DOCK3: variants seen among roughly 807,000 people sequenced by gnomAD.
DOCK3 encodes the protein dedicator of cytokinesis protein 3.
A neutral mutation model predicts 265.6 loss-of-function variants in DOCK3; 60 were observed. The ratio of observed to expected loss-of-function variants is 0.23; its 90% confidence interval spans 0.18 to 0.28. DOCK3 has a LOEUF of 0.28. Ranked by LOEUF, DOCK3 falls within the 10% of genes least tolerant of loss-of-function variation. The pLI, the probability that DOCK3 is intolerant of heterozygous loss-of-function variation, is 1.00. For missense variants in DOCK3, 1,981 were observed against 2,594.3 expected, an observed-to-expected ratio of 0.76 and a Z score of 5.14; for synonymous variants, 881 against 938.0, an observed-to-expected ratio of 0.94 and a Z score of 1.11.
At chr3:51,154,769 T>A (rs1404990627) in intron 10 of DOCK3, among the ~76,000 whole-genome samples, 1 of 152,206 alleles carries the variant, frequency 6.6e-6, no homozygotes, top group African/African-American at 2.4e-5. Flanking sequence ...TAGGGTGGCA[T>A]TTGAATGTAA....
At chr3:51,337,483 T>C (rs1444720501) in intron 35 of DOCK3, among the ~76,000 whole-genome samples, 1 of 152,138 alleles carries the variant, frequency 6.6e-6, no homozygotes, top group African/African-American at 2.4e-5. Context: ...CTGCAGCTTT[T>C]CCCCAGAGCT....
In DOCK3 at chr3:50,863,276, G is replaced by C. The variant is rs984638299; in HGVS notation, c.162+21561G>C. ...GTCCTTGGGCATGGTAGTGGCTTAT[G>C]ACAAGTGCCGAACCTGTATGGCATG... On this transcript the variant is annotated intron_variant, in intron 3 of 52. Coordinates refer to ENST00000266037, the MANE Select transcript of DOCK3 (RefSeq NM_004947.5). 8 of 412,720 alleles carry C rather than the reference G, an allele frequency of 1.9e-5. No homozygotes were observed. In the Admixed American group the frequency reaches 2.0e-4, roughly 11 times the overall value. The allele number at this position is 412,720 out of a possible 1,614,324, so 25.6% of individuals were successfully genotyped here.
In DOCK3 at chr3:51,225,533, A is replaced by G. The variant is rs368025633; in HGVS notation, c.1253-116A>G. On this transcript the variant is annotated intron_variant, in intron 14 of 52. Transcript: ENST00000266037. ...GTCCATCATTATTAACCAAGCTTGG[A>G]ATGCCCTGAACACCCACCCAAGCCC... The G allele has an allele frequency of 4.1e-6, 6 of 1,448,258 alleles. No individual in the cohort carries two copies. The South Asian group carries it at 7.4e-5, about 18-fold the overall frequency. The allele number at this position is 1,448,258 out of a possible 1,614,324, so 89.7% of individuals were successfully genotyped here. A position where few individuals can be genotyped will look rare whatever the true frequency, so the allele number is the denominator to read the frequency against.
At chr3:51,183,507 G>T (rs974591333) in intron 12 of DOCK3, among the ~76,000 whole-genome samples, 58 of 151,840 alleles carry the variant, frequency 3.8e-4, no homozygotes, top group Non-Finnish European at 1.0e-4. Flanking sequence ...ATCCCTATAG[G>T]GTCTAAATGG....
At chr3:51,208,341 C>T (rs529181862) in intron 12 of DOCK3, among the ~76,000 whole-genome samples, 1 of 152,302 alleles carries the variant, frequency 6.6e-6, no homozygotes, top group African/African-American at 2.4e-5. Flanking sequence ...CCATTGGGGC[C>T]AGTCATAATG....
intron 38 of DOCK3, among the ~76,000 whole-genome samples, chr3:51,345,219 T>C (rs1215416980): frequency 6.6e-6 from 1 of 152,178 alleles, no homozygotes. Flanking sequence ...AGGACTGATA[T>C]ACGCCCCCTT....
intron 1 of DOCK3, among the ~76,000 whole-genome samples, chr3:50,712,981 A>G (rs2036865657): frequency 6.6e-6 from 1 of 152,112 alleles, no homozygotes; most frequent in South Asian, 2.1e-4. Flanking sequence ...TAAGAAATAT[A>G]TGTAGGTCTC....
intron 22 of DOCK3, among the ~76,000 whole-genome samples, chr3:51,258,554 A>G (rs2079673023): frequency 6.6e-6 from 1 of 151,862 alleles, no homozygotes; most frequent in East Asian, 1.9e-4. Context: ...ACCAGGCTGG[A>G]GTGCGGTGGC....
At chr3:51,235,814 T>C (rs1381200148) in intron 19 of DOCK3, among the ~76,000 whole-genome samples, 5 of 152,218 alleles carry the variant, frequency 3.3e-5, no homozygotes, top group African/African-American at 2.4e-5. Context: ...ACAGCCCTCA[T>C]TGACTGCATT....
At chr3:50,921,094 T>G (rs999014081) in intron 4 of DOCK3, among the ~76,000 whole-genome samples, 1 of 152,250 alleles carries the variant, frequency 6.6e-6, no homozygotes, top group Admixed American at 6.5e-5. Context: ...TCTAGTTTGA[T>G]TGCACTGTGG....
intron 2 of DOCK3, among the ~76,000 whole-genome samples, chr3:50,828,584 T>G (rs1198335163): frequency 2.6e-5 from 4 of 151,888 alleles, no homozygotes; most frequent in South Asian, 2.1e-4. Context: ...TTCATATTTT[T>G]AGTAGAGATG....
At chr3:51,288,925 T>TGTGC in intron 27 of DOCK3, among the ~76,000 whole-genome samples, 1 of 151,466 alleles carries the variant, frequency 6.6e-6, no homozygotes, top group African/African-American at 2.4e-5. Flanking sequence ...TGTGTGTGTG[T>TGTGC]GCCCATGTGT....
chr3:50,959,447 T>C (rs1227455042), intron 5 of DOCK3, among the ~76,000 whole-genome samples: 2 of 151,958 alleles, frequency 1.3e-5, no homozygotes, highest in Non-Finnish European at 2.9e-5. Flanking sequence ...ACACTTATTC[T>C]CCCTGTATAA....
intron 12 of DOCK3, among the ~76,000 whole-genome samples, chr3:51,166,364 T>C (rs2086407971): frequency 6.6e-6 from 1 of 152,214 alleles, no homozygotes; most frequent in African/African-American, 2.4e-5. Context: ...GTATATTCTT[T>C]ATTATTCATC....
Position 50,863,422 on chromosome 3 carries a change from A to G in DOCK3, c.162+21707A>G, listed in dbSNP as rs1012196334. On this transcript the variant is annotated intron_variant, in intron 3 of 52. Coordinates refer to ENST00000266037, the MANE Select transcript of DOCK3 (RefSeq NM_004947.5). ...TAGCATAGCTCTGGGTTACAAGGGC[A>G]GAGGGTCTTTCCAACAGTTTGGTGA... 7 of 519,912 alleles carry G rather than the reference A, an allele frequency of 1.3e-5. No individual in the cohort carries two copies. The African/African-American group carries it at 1.3e-4, about 10-fold the overall frequency. 32.2% of individuals were successfully genotyped at this position (519,912 alleles called of 1,614,324 possible).
At chr3:50,787,118 C>T in intron 2 of DOCK3, 1 of 700,754 alleles carries the variant, frequency 1.4e-6, no homozygotes, top group South Asian at 1.4e-5. Context: ...AGGCAACAAA[C>T]TAAATGTTTT....
intron 3 of DOCK3, among the ~76,000 whole-genome samples, chr3:50,867,748 A>G (rs1227407896): frequency 6.6e-6 from 1 of 152,008 alleles, no homozygotes; most frequent in Non-Finnish European, 1.5e-5. Flanking sequence ...TGTATGTTGA[A>G]CCATCCTTCC....
chr3:51,110,107 C>G (rs2083452798), intron 9 of DOCK3, among the ~76,000 whole-genome samples: 1 of 152,058 alleles, frequency 6.6e-6, no homozygotes, highest in Non-Finnish European at 1.5e-5. Context: ...CAAGACTGAA[C>G]TAGGAAGAAA....
Position 50,888,703 on chromosome 3 carries a change from T to G in DOCK3, c.163-1323T>G, listed in dbSNP as rs567935239. On this transcript the variant is annotated intron_variant, in intron 3 of 52. Coordinates refer to ENST00000266037, the MANE Select transcript of DOCK3 (RefSeq NM_004947.5). ...ACAGAACAGAGCCCTCAGAAATAAC[T>G]CCGCATATCTACAACTATCTGATCT... 6.5e-4 allele frequency among the ~76,000 whole-genome samples: 99 copies of G among 151,962 alleles called. 1 individual carries two copies. The highest frequency in any genetic ancestry group is 1.5e-3 in the African/African-American group (63 of 41,460).
Sources: allele counts gnomAD v4.1 joint callset (sites outside exome capture counted in the v4.1 genomes callset), GRCh38; gene constraint gnomAD v4.1.1; transcripts MANE v1.5; gene names NCBI Gene and HGNC (gene_info 2026-07-23, HGNC 2026-07-21).